Variants in LGR6 observed in about 807,000 individuals in gnomAD.
LGR6 encodes the protein leucine-rich repeat-containing G protein-coupled receptor 6.
Under a neutral mutation model 69.4 loss-of-function variants are expected in LGR6, and 45 were observed. The observed-to-expected ratio is 0.65, with a 90% confidence interval of 0.51 to 0.83. The LOEUF is 0.83. LGR6 is among the 40% of genes least tolerant of loss of function. LGR6 has a pLI of 0.00. For synonymous variants in LGR6, 538 were observed against 555.0 expected, an observed-to-expected ratio of 0.97 and a Z score of 0.43; for missense variants, 1,108 against 1,246.7, an observed-to-expected ratio of 0.89 and a Z score of 1.68.
chr1:202,299,351 G>T (rs1380037932), intron 7 of LGR6, among the ~76,000 whole-genome samples: 1 of 151,812 alleles, frequency 6.6e-6, no homozygotes, highest in Non-Finnish European at 1.5e-5. Flanking sequence ...CCTTTGATCT[G>T]GGGCATGAGA....
chr1:202,301,166 A>T lies in LGR6; in HGVS notation c.860A>T (p.His287Leu), dbSNP rs760867154. The T allele has an allele frequency of 6.2e-7, 1 of 1,614,054 alleles. No homozygotes were observed. The highest frequency in any genetic ancestry group is 1.3e-5 in the African/African-American group (1 of 74,924). The change falls in exon 9 of 18, where the codon CAC (histidine) becomes CTC (leucine). Residue 287 changes from histidine to leucine, a missense_variant and splice_region_variant. By Grantham distance (99) the His-to-Leu change is moderately conservative. Coordinates refer to ENST00000367278, the MANE Select transcript of LGR6 (RefSeq NM_001017403.2). ...GTGTTTGGACCTTCTTCTTCCAGAC[A>T]CTTTTATGATAACCCAATCCAGTTT... ...FMGNPLLQTI[H>L]FYDNPIQFVG...
rs937204661 is a variant in LGR6, at chr1:202,227,927, G to T, written c.285-9G>T. The T allele has an allele frequency of 5.0e-6, 8 of 1,611,432 alleles. No individual in the cohort carries two copies. Among genetic ancestry groups the T allele is most frequent in the Admixed American group, 1.7e-5 (1 of 59,996 alleles). ...GCCAACATCGCTGACCCTTGTCTCT[G>T]ATTTCCAGGCGTCTCTCTGGGAACC... On this transcript the variant is annotated splice_polypyrimidine_tract_variant and intron_variant, in intron 2 of 17. Coordinates refer to ENST00000367278, the MANE Select transcript of LGR6 (RefSeq NM_001017403.2).
At chr1:202,240,110 C>T (rs775816604) in intron 4 of LGR6, among the ~76,000 whole-genome samples, 6 of 152,102 alleles carry the variant, frequency 3.9e-5, no homozygotes, top group Admixed American at 2.0e-4. Context: ...CAGTGGCTCA[C>T]GCCTGTAATC....
At chr1:202,208,949 A>G (rs962599978) in intron 1 of LGR6, among the ~76,000 whole-genome samples, 3 of 152,134 alleles carry the variant, frequency 2.0e-5, no homozygotes, top group South Asian at 4.1e-4. Flanking sequence ...TTGGAAGCTC[A>G]GAAACTTGGC....
chr1:202,288,477 A>G (rs1028488861), intron 6 of LGR6, among the ~76,000 whole-genome samples: 3 of 152,170 alleles, frequency 2.0e-5, no homozygotes, highest in African/African-American at 7.2e-5. Flanking sequence ...ATTTCAACAA[A>G]TAGATTTATG....
intron 4 of LGR6, among the ~76,000 whole-genome samples, chr1:202,249,149 A>G (rs1026917018): frequency 2.0e-5 from 3 of 152,118 alleles, no homozygotes; most frequent in African/African-American, 7.2e-5. Context: ...AGTCCACACC[A>G]GTGGTGTCCA....
intron 9 of LGR6, 101 bp downstream of exon 9, chr1:202,301,336 G>A: frequency 9.9e-7 from 1 of 1,010,388 alleles, no homozygotes; most frequent in Non-Finnish European, 1.5e-6. Context: ...CCCTTGCAAG[G>A]CACAAGTCCA....
At chr1:202,243,717 G>A (rs969110749) in intron 4 of LGR6, among the ~76,000 whole-genome samples, 6 of 152,112 alleles carry the variant, frequency 3.9e-5, no homozygotes, top group South Asian at 2.1e-4. Flanking sequence ...ACAGCCTCCC[G>A]GAAGCAAATC....
intron 4 of LGR6, among the ~76,000 whole-genome samples, chr1:202,254,206 G>T: frequency 6.6e-6 from 1 of 152,108 alleles, no homozygotes. Flanking sequence ...TCAGCCTCCC[G>T]GAGTGCTGGG....
chr1:202,241,914 G>A (rs1662243414), intron 4 of LGR6, among the ~76,000 whole-genome samples: 2 of 152,246 alleles, frequency 1.3e-5, no homozygotes, highest in Admixed American at 1.3e-4. Context: ...TGAATCAAGA[G>A]CAGTACCAGA....
rs767233720 is a variant in LGR6, at chr1:202,301,203, G to A, written c.897G>A (p.Ser299=). 1.2e-5 allele frequency: 19 copies of A among 1,614,004 alleles called. No individual in the cohort carries two copies. Among genetic ancestry groups the A allele is most frequent in the South Asian group, 2.2e-5 (2 of 91,080 alleles). Residue 299 remains serine, a synonymous_variant, in exon 9 of 18, where the codon TCG becomes TCA. Coordinates refer to ENST00000367278, the MANE Select transcript of LGR6 (RefSeq NM_001017403.2). The part of the protein sequence containing the change: ...YDNPIQFVGR[S]AFQYLPKLHT... ...ACCCAATCCAGTTTGTGGGAAGATC[G>A]GCATTCCAGTACCTGCCTAAACTCC...
chr1:202,205,059 C>A, intron 1 of LGR6, among the ~76,000 whole-genome samples: 1 of 147,936 alleles, frequency 6.8e-6, no homozygotes, highest in African/African-American at 2.6e-5. Context: ...TCCAAACACA[C>A]ACACACCTAA....
chr1:202,311,475 C>T lies in LGR6; in HGVS notation c.1567+1118C>T, dbSNP rs749145378. ...AGGAGTTCGAGACCAGCCTGGCCAA[C>T]ATGGTGAAACCCCTTCTCTACCAAA... On this transcript the variant is annotated intron_variant, in intron 16 of 17. Transcript: ENST00000367278. Among the ~76,000 whole-genome samples the T allele has an allele frequency of 2.7e-4, 41 of 152,184 alleles. 1 individual carries two copies. The highest frequency in any genetic ancestry group is 2.8e-4 in the Non-Finnish European group (19 of 68,034).
chr1:202,207,266 C>A (rs1659288015), intron 1 of LGR6, among the ~76,000 whole-genome samples: 1 of 152,028 alleles, frequency 6.6e-6, no homozygotes, highest in African/African-American at 2.4e-5. Flanking sequence ...GGGGCTAGGG[C>A]AGGAGGGGAT....
At chr1:202,303,407 TC>T in intron 10 of LGR6, 60 bp downstream of exon 10, 1 of 1,316,356 alleles carries the variant, frequency 7.6e-7, no homozygotes, top group Non-Finnish European at 1.1e-6. Context: ...CAAGAGCTCT[TC>T]CACTCCCTGC....
At chr1:202,310,575 A>C (rs944562863) in intron 16 of LGR6, among the ~76,000 whole-genome samples, 4 of 152,082 alleles carry the variant, frequency 2.6e-5, no homozygotes, top group Admixed American at 2.6e-4. Flanking sequence ...CAAAGTAATG[A>C]TGGTAACAAT....
chr1:202,215,773 A>G (rs1296307576), intron 1 of LGR6, among the ~76,000 whole-genome samples: 1 of 152,236 alleles, frequency 6.6e-6, no homozygotes, highest in East Asian at 1.9e-4. Flanking sequence ...TGACAAGGAC[A>G]GACAACTGGG....
intron 9 of LGR6, among the ~76,000 whole-genome samples, chr1:202,302,676 A>T (rs997898798): frequency 1.1e-4 from 16 of 152,068 alleles, no homozygotes; most frequent in African/African-American, 3.9e-4. Context: ...CCTCCCGAGT[A>T]GCTGAGATTA....
At chr1:202,270,943 C>T (rs1225351629) in intron 4 of LGR6, among the ~76,000 whole-genome samples, 1 of 152,106 alleles carries the variant, frequency 6.6e-6, no homozygotes, top group Non-Finnish European at 1.5e-5. Context: ...GCAGTTTGGC[C>T]CTCGACAGGT....
Sources: gnomAD v4.1 joint callset for allele counts (sites outside exome capture counted in the v4.1 genomes callset) on GRCh38, gnomAD v4.1.1 for gene constraint, MANE v1.5 for transcripts, NCBI Gene and HGNC (gene_info 2026-07-23, HGNC 2026-07-21) for gene names.